Variants in IGFL2 observed in about 807,000 individuals in gnomAD.
The protein encoded by IGFL2 is insulin growth factor-like family member 2.
In IGFL2, 7 loss-of-function variants were observed where a neutral mutation model predicts 13.9. That is an observed-to-expected ratio of 0.51 (90% CI 0.29 to 0.95). The LOEUF is 0.95. Ranked by LOEUF, IGFL2 falls within the 40% of genes least tolerant of loss-of-function variation. The pLI is 0.08. For missense variants in IGFL2, 138 were observed against 147.8 expected, an observed-to-expected ratio of 0.93 and a Z score of 0.34; for synonymous variants, 55 against 55.8, an observed-to-expected ratio of 0.99 and a Z score of 0.07.
At chr19:46,206,107 G>A in the IGFL2 span, among the ~76,000 whole-genome samples, 1 of 152,194 alleles carries the variant, frequency 6.6e-6, no homozygotes, top group Non-Finnish European at 1.5e-5. Flanking sequence ...TGACCACAAA[G>A]TCTCAGGATT....
the IGFL2 span, among the ~76,000 whole-genome samples, chr19:46,078,868 A>G: frequency 8.6e-3 from 1,175 of 137,160 alleles, 11 homozygotes; most frequent in Non-Finnish European, 0.013. Context: ...AGGCGTCGTC[A>G]GTAGACATCG....
rs1376689110 is a variant in IGFL2, at chr19:46,160,866, C to T, written c.326C>T (p.Ser109Phe). 1 of 1,613,752 alleles carries T rather than the reference C, an allele frequency of 6.2e-7. No homozygotes were observed. Among genetic ancestry groups the T allele is most frequent in the African/African-American group, 1.3e-5 (1 of 74,882 alleles). Residue 109 changes from serine to phenylalanine, a missense_variant, in exon 3 of 4, where the codon TCC becomes TTC. Transcript: ENST00000377693. ...TCCCAGTGCCACTCATCTCCCATCTCCAGTAAATGTGAAAGGTAGGGACCC... is the reference window on the plus strand; with the variant it reads ...TCCCAGTGCCACTCATCTCCCATCTTCAGTAAATGTGAAAGGTAGGGACCC... ...VNSQCHSSPI[S>F]SKCESRRRFP
the IGFL2 span, chr19:46,124,076 A>T: frequency 6.2e-7 from 1 of 1,611,520 alleles, no homozygotes; most frequent in Admixed American, 1.7e-5. Context: ...TCATAACAGC[A>T]CTGCTCTGAA....
At chr19:46,186,811 C>T in the IGFL2 span, among the ~76,000 whole-genome samples, 27 of 152,332 alleles carry the variant, frequency 1.8e-4, no homozygotes, top group African/African-American at 4.6e-4. Context: ...TCCGCTGCTA[C>T]GTGTCAGGCA....
chr19:46,148,150 C>A, upstream of IGFL2: 1 of 725,436 alleles, frequency 1.4e-6, no homozygotes, highest in Non-Finnish European at 2.3e-6. Context: ...CATGCCCCAC[C>A]CTTTCCAAGA....
the IGFL2 span, among the ~76,000 whole-genome samples, chr19:46,202,292 G>A: frequency 2.0e-5 from 3 of 152,150 alleles, no homozygotes; most frequent in East Asian, 3.8e-4. Flanking sequence ...TGGGGAAATC[G>A]AAAGTGCCAT....
chr19:46,178,141 G>A, the IGFL2 span, among the ~76,000 whole-genome samples: 4 of 152,138 alleles, frequency 2.6e-5, no homozygotes, highest in South Asian at 6.2e-4. Flanking sequence ...GTCGGGCATG[G>A]TGGCGCATGC....
the IGFL2 span, among the ~76,000 whole-genome samples, chr19:46,091,521 C>T: frequency 6.6e-6 from 1 of 152,098 alleles, no homozygotes; most frequent in Non-Finnish European, 1.5e-5. Context: ...TGTGTTTCTC[C>T]TTAGGAGTTG....
At chr19:46,140,012 T>C (rs533011949), upstream of IGFL2, among the ~76,000 whole-genome samples, 50 of 152,202 alleles carry the variant, frequency 3.3e-4, no homozygotes, top group African/African-American at 1.1e-3. Context: ...TGCAGTGACA[T>C]GATCTCAGCT....
chr19:46,148,774 T>C (rs1458759523), intron 1 of IGFL2: 2 of 1,195,508 alleles, frequency 1.7e-6, no homozygotes, highest in South Asian at 1.6e-5. Flanking sequence ...GTGGATAGGG[T>C]TGGGGGCTCC....
At chr19:46,173,572 CAG>C in the IGFL2 span, 3 of 152,392 alleles carry the variant, frequency 2.0e-5, no homozygotes, top group Non-Finnish European at 4.4e-5. Flanking sequence ...CATGGCAAGA[CAG>C]AGAACAGGAG....
the IGFL2 span, among the ~76,000 whole-genome samples, chr19:46,103,632 T>C: frequency 4.6e-5 from 7 of 152,164 alleles, no homozygotes; most frequent in East Asian, 7.7e-4. Flanking sequence ...ACGACACTTA[T>C]GAGTAGTTGA....
At chr19:46,157,279 A>G (rs1973876450) in intron 1 of IGFL2, among the ~76,000 whole-genome samples, 1 of 152,224 alleles carries the variant, frequency 6.6e-6, no homozygotes, top group African/African-American at 2.4e-5. Context: ...ATAAAATCAG[A>G]GTTATTTTGC....
At chr19:46,084,164 T>C in the IGFL2 span, among the ~76,000 whole-genome samples, 12 of 152,388 alleles carry the variant, frequency 7.9e-5, no homozygotes, top group African/African-American at 2.9e-4. Flanking sequence ...ATACTTGATA[T>C]GATTTCAGTC....
chr19:46,124,445 T>A, the IGFL2 span: 5 of 1,210,300 alleles, frequency 4.1e-6, no homozygotes, highest in Non-Finnish European at 4.8e-6. Flanking sequence ...TGGGGCTAAG[T>A]CTGTATGGGA....
At chr19:46,146,468 A>G (rs979548481), upstream of IGFL2, among the ~76,000 whole-genome samples, 2 of 151,978 alleles carry the variant, frequency 1.3e-5, no homozygotes, top group Admixed American at 1.3e-4. Context: ...TAAATTCTAG[A>G]GTTATTTTGT....
the IGFL2 span, among the ~76,000 whole-genome samples, chr19:46,105,536 G>A: frequency 1.3e-5 from 2 of 152,210 alleles, no homozygotes; most frequent in Non-Finnish European, 2.9e-5. Flanking sequence ...ATGGGGGTCA[G>A]GTGGGGTATC....
chr19:46,210,743 C>T, the IGFL2 span, among the ~76,000 whole-genome samples: 1 of 152,146 alleles, frequency 6.6e-6, no homozygotes, highest in Non-Finnish European at 1.5e-5. Flanking sequence ...CTGCCTTTCC[C>T]AGCCCACTAA....
the IGFL2 span, among the ~76,000 whole-genome samples, chr19:46,173,209 G>A: frequency 8.1e-4 from 124 of 152,268 alleles, no homozygotes; most frequent in African/African-American, 2.9e-3. Context: ...TGTTGTCAAC[G>A]TGTCCCCAAC....
Sources: allele counts gnomAD v4.1 joint callset (sites outside exome capture counted in the v4.1 genomes callset), GRCh38; gene constraint gnomAD v4.1.1; transcripts MANE v1.5; gene names NCBI Gene and HGNC (gene_info 2026-07-23, HGNC 2026-07-21).